POLQ: variants seen among roughly 807,000 people sequenced by gnomAD.
POLQ encodes the protein epididymis secretory sperm binding protein.
POLQ carries 233 observed loss-of-function variants against 259.2 expected under a neutral mutation model. The ratio of observed to expected loss-of-function variants is 0.90; its 90% confidence interval spans 0.81 to 1.00. The LOEUF (loss-of-function observed/expected upper bound fraction) is 1.00, where lower values mean the gene tolerates loss of function less well. Among genes scored for constraint, POLQ ranks in the 50% least tolerant of loss-of-function variants. The pLI, the probability that POLQ is intolerant of heterozygous loss-of-function variation, is 0.00. For missense variants in POLQ, 2,871 were observed against 3,051.6 expected, an observed-to-expected ratio of 0.94 and a Z score of 1.39; for synonymous variants, 1,025 against 1,048.8, an observed-to-expected ratio of 0.98 and a Z score of 0.44.
At chr3:121,514,988 C>G (rs1383414061) in intron 9 of POLQ, among the ~76,000 whole-genome samples, 1 of 152,136 alleles carries the variant, frequency 6.6e-6, no homozygotes, top group East Asian at 1.9e-4. Flanking sequence ...GGATTTTAAA[C>G]AGTGCTCAAG....
At chr3:121,450,049 G>A (rs148189483) in intron 25 of POLQ, among the ~76,000 whole-genome samples, 80 of 152,272 alleles carry the variant, frequency 5.3e-4, no homozygotes, top group African/African-American at 1.8e-3. Context: ...GACGGCCGGG[G>A]TTCAAAGCCT....
intron 28 of POLQ, 140 bp from the exon 29 acceptor site, chr3:121,433,173 T>C (rs1189684045): frequency 9.6e-6 from 6 of 624,508 alleles, no homozygotes; most frequent in African/African-American, 1.8e-5. Flanking sequence ...GGAAAATAAC[T>C]ACTTGCTGGT....
chr3:121,450,417 T>C (rs1425366176), intron 25 of POLQ, among the ~76,000 whole-genome samples: 4 of 151,966 alleles, frequency 2.6e-5, no homozygotes, highest in African/African-American at 4.8e-5. Flanking sequence ...ATGTGCACAA[T>C]GTGCAGGTTT....
chr3:121,433,004 T>C lies in POLQ; in HGVS notation c.7573A>G (p.Met2525Val), dbSNP rs755724546. ...GLSRKRKLQG[M>V]FCPIRGGFFI... ...AAGCCTCCTCTGATTGGGCAGAACA[T>C]CCCTTGCAGTTTTCTCTTTCGTGAC... is the stretch of plus-strand genomic sequence containing the variant. Residue 2525 changes from methionine to valine, a missense_variant, in exon 29 of 30, where the codon ATG becomes GTG. Met to Val is a conservative substitution (Grantham distance 21). Coordinates refer to ENST00000264233, the MANE Select transcript of POLQ (RefSeq NM_199420.4). The C allele has an allele frequency of 1.2e-6, 2 of 1,611,260 alleles. No homozygotes were observed. Among genetic ancestry groups the C allele is most frequent in the Admixed American group, 1.7e-5 (1 of 59,986 alleles).
intron 24 of POLQ, among the ~76,000 whole-genome samples, chr3:121,460,897 G>C (rs952278239): frequency 1.3e-5 from 2 of 152,132 alleles, no homozygotes; most frequent in African/African-American, 2.4e-5. Context: ...CAGGGTCAAA[G>C]AAAAATTAGA....
At chr3:121,509,787 C>G (rs2048238197) in intron 11 of POLQ, 84 bp from the exon 12 acceptor site, 3 of 1,340,392 alleles carry the variant, frequency 2.2e-6, no homozygotes, top group Non-Finnish European at 3.1e-6. Flanking sequence ...GTTTTCCATG[C>G]TAACCCTCCC....
intron 26 of POLQ, among the ~76,000 whole-genome samples, chr3:121,447,626 C>T (rs545626478): frequency 2.0e-5 from 3 of 152,118 alleles, no homozygotes; most frequent in African/African-American, 7.2e-5. Flanking sequence ...TCTCTGCGTA[C>T]TTAATATTAC....
chr3:121,477,088 A>C (rs1364554937), intron 19 of POLQ, among the ~76,000 whole-genome samples: 10 of 152,178 alleles, frequency 6.6e-5, no homozygotes, highest in Non-Finnish European at 1.3e-4. Flanking sequence ...CAAAATCTGA[A>C]ACTTTCTGAG....
At position 121,519,883 on chromosome 3, in the gene POLQ, C is replaced by G. The variant is rs758905537; in HGVS notation, c.1456G>C (p.Val486Leu). 1.9e-6 allele frequency: 3 copies of G among 1,568,776 alleles called. No individual in the cohort carries two copies. The highest frequency in any genetic ancestry group is 2.6e-6 in the Non-Finnish European group (3 of 1,138,886). Residue 486 changes from valine to leucine, a missense_variant, in exon 9 of 30, where the codon GTG (valine) becomes CTG (leucine). Around this residue, in one of 3 missense-constraint regions of POLQ, gnomAD observed 783 missense variants for 906.2 expected, o/e 0.86. Transcript: ENST00000264233. The part of the protein sequence containing the change: ...QMVGRAGRKG[V>L]DTVGESILIC... ...CAAACTCACTTACCTACTGTGTCCA[C>G]TCCTTTCCTGCCAGCACGGCCAACC...
chr3:121,539,322 A>C, intron 4 of POLQ, 111 bp downstream of exon 4: 1 of 792,476 alleles, frequency 1.3e-6, no homozygotes, highest in Non-Finnish European at 2.0e-6. Flanking sequence ...CTCCAGAAGT[A>C]GATAATAGAC....
rs764258136 is a variant in POLQ, at chr3:121,436,178, T to TG, written c.7486dup (p.His2496ProfsTer17). 44 of 1,613,778 alleles carry TG rather than the reference T, an allele frequency of 2.7e-5. No homozygotes were observed. Among genetic ancestry groups the TG allele is most frequent in the Middle Eastern group, 1.6e-4 (1 of 6,082 alleles). The stretch of plus-strand genomic sequence containing the variant: ...ATGACCATGGGATTTGAAGGTTGAG[T>TG]GGAAGGTCTCTAATTGCTTCTGAAT... On this transcript the variant is annotated frameshift_variant, in exon 28 of 30. Coordinates refer to ENST00000264233, the MANE Select transcript of POLQ (RefSeq NM_199420.4). LOFTEE classifies it high-confidence loss of function.
Position 121,498,683 on chromosome 3 carries a change from A to C in POLQ, c.1960-13T>G. On this transcript the variant is annotated splice_polypyrimidine_tract_variant and intron_variant, in intron 12 of 29. Transcript: ENST00000264233. ...ACATAGGTGTAACCTAAAAGGAAGA[A>C]GTATTATTCATTAACTAAAACTATT... The C allele has an allele frequency of 6.4e-7, 1 of 1,561,228 alleles. No individual in the cohort carries two copies. The highest frequency in any genetic ancestry group is 8.8e-7 in the Non-Finnish European group (1 of 1,137,060).
At position 121,496,912 on chromosome 3, in the gene POLQ, A is replaced by G; in HGVS notation, c.2174T>C (p.Leu725Pro). 1.9e-6 allele frequency: 3 copies of G among 1,612,072 alleles called. No individual in the cohort carries two copies. The highest frequency in any genetic ancestry group is 2.5e-6 in the Non-Finnish European group (3 of 1,179,630). ...IHKRFFTSLV[L>P]LDLISEVPLR... Reference sequence around the variant, plus strand: ...GGGAACTTCACTGATTAAATCTAATAGCACAAGACTGGTGAAAAACCTGGG... The same window carrying G: ...GGGAACTTCACTGATTAAATCTAATGGCACAAGACTGGTGAAAAACCTGGG... The change falls in exon 14 of 30, where the codon CTA becomes CCA. Residue 725 changes from leucine (L) to proline (P), a missense_variant. Leu to Pro is a moderately conservative substitution (Grantham distance 98, BLOSUM62 -3). Coordinates refer to ENST00000264233, the MANE Select transcript of POLQ (RefSeq NM_199420.4).
chr3:121,457,521 C>T (rs1426159848), intron 25 of POLQ, among the ~76,000 whole-genome samples: 2 of 152,124 alleles, frequency 1.3e-5, no homozygotes, highest in Admixed American at 6.6e-5. Context: ...CTACAATGAA[C>T]TCAAACAAAC....
At chr3:121,475,177 T>C (rs2047916025) in intron 20 of POLQ, among the ~76,000 whole-genome samples, 1 of 152,142 alleles carries the variant, frequency 6.6e-6, no homozygotes, top group Non-Finnish European at 1.5e-5. Flanking sequence ...TCTAAAACTT[T>C]ATACCCTTTG....
intron 12 of POLQ, among the ~76,000 whole-genome samples, chr3:121,500,799 A>C (rs2048161200): frequency 6.6e-6 from 1 of 152,216 alleles, no homozygotes. Flanking sequence ...ACTGAAGAAA[A>C]AAAATCTTGA....
chr3:121,459,524 G>T (rs1159282407), intron 25 of POLQ, among the ~76,000 whole-genome samples: 1 of 151,990 alleles, frequency 6.6e-6, no homozygotes, highest in African/African-American at 2.4e-5. Flanking sequence ...TGGGACTACA[G>T]GCACCCACCA....
rs564664734 is a variant in POLQ at position 121,509,719 on chromosome 3, G to A, written c.1817-16C>T. 1 of 1,598,440 alleles carries A rather than the reference G, an allele frequency of 6.3e-7. No homozygotes were observed. Among genetic ancestry groups the A allele is most frequent in the Non-Finnish European group, 8.5e-7 (1 of 1,174,338 alleles). On this transcript the variant is annotated splice_polypyrimidine_tract_variant and intron_variant, in intron 11 of 29. Coordinates refer to ENST00000264233, the MANE Select transcript of POLQ (RefSeq NM_199420.4). Reference sequence around the variant, plus strand: ...TACACCTTTCCTGGTTTAGGGTTAGGGTGAGGAAACAGAGGAACAAACATT... The same window carrying A: ...TACACCTTTCCTGGTTTAGGGTTAGAGTGAGGAAACAGAGGAACAAACATT...
chr3:121,492,352 G>A (rs532581124), intron 15 of POLQ, among the ~76,000 whole-genome samples: 2 of 152,260 alleles, frequency 1.3e-5, no homozygotes, highest in African/African-American at 4.8e-5. Context: ...AAATAATTAA[G>A]CTATTCCTTG....
Sources: allele counts gnomAD v4.1 joint callset (sites outside exome capture counted in the v4.1 genomes callset), GRCh38; gene constraint gnomAD v4.1.1; regional missense constraint gnomAD v4.1.1; transcripts MANE v1.5; gene names NCBI Gene and HGNC (gene_info 2026-07-23, HGNC 2026-07-21).